The following CCNA1 variants were observed in gnomAD, a reference collection of about 807,000 sequenced individuals.
CCNA1 encodes cyclin-A1.
Under a neutral mutation model 54.1 loss-of-function variants are expected in CCNA1, and 23 were observed. The ratio of observed to expected loss-of-function variants is 0.42; its 90% CI spans 0.31 to 0.60. The LOEUF is 0.60. Ranked by LOEUF, CCNA1 falls within the 20% of genes least tolerant of loss-of-function variation. The pLI is 0.14. For missense variants in CCNA1, 450 were observed against 556.7 expected (o/e 0.81, Z 1.93); for synonymous variants, 208 against 213.9 (o/e 0.97, Z 0.24).
chr13:36,440,181 A>G lies in CCNA1; in HGVS notation c.1096A>G (p.Lys366Glu). The G allele has an allele frequency of 6.2e-7, 1 of 1,613,614 alleles. No homozygotes were observed. Residue 366 changes from lysine (K) to glutamate (E), a missense_variant and splice_region_variant, in exon 6 of 9, where the codon AAG becomes GAG. Physicochemically the swap from Lys to Glu is moderately conservative, Grantham distance 56. Coordinates refer to ENST00000255465, the MANE Select transcript of CCNA1 (RefSeq NM_003914.4). ...GTGCGTCAGGACTGAGAACCTGGCTAAGGTGTGTATGCCGCGTGATTTCTA... is the reference window on the plus strand; with the variant it reads ...GTGCGTCAGGACTGAGAACCTGGCTGAGGTGTGTATGCCGCGTGATTTCTA...
At chr13:36,432,789 C>A in intron 1 of CCNA1, 60 bp downstream of exon 1, 1 of 1,193,980 alleles carries the variant, frequency 8.4e-7, no homozygotes, top group Non-Finnish European at 1.2e-6. Flanking sequence ...TCCTTCCAGC[C>A]CAACACGAAG....
At chr13:36,432,905 T>C (rs1304561396) in intron 1 of CCNA1, 128 bp from the exon 2 acceptor site, 29 of 1,026,152 alleles carry the variant, frequency 2.8e-5, no homozygotes, top group Non-Finnish European at 4.4e-6. Flanking sequence ...CAATAATTAC[T>C]GGGAAGATCA....
rs765244642 is a variant in CCNA1 at position 36,432,683 on chromosome 13, AGTATC to A, written c.63_67del (p.Glu21AspfsTer21). On this transcript the variant is annotated frameshift_variant, in exon 1 of 9. It introduces an in-frame stop codon into an upstream open reading frame of the 5' UTR. Transcript: ENST00000255465. LOFTEE classifies it high-confidence loss of function. ...TCTTTTATTGGGGGCTGGGGAGAAG[AGTATC>A]TCAGCTGGGAAGGACCGGGGCTCCC... 3.1e-6 allele frequency: 5 copies of A among 1,612,890 alleles called. No individual in the cohort carries two copies. The highest frequency in any genetic ancestry group is 4.2e-6 in the Non-Finnish European group (5 of 1,179,634).
rs1364142302 is a variant in CCNA1, at chr13:36,433,381, T to A, written c.297+160T>A. On this transcript the variant is annotated intron_variant, in intron 2 of 8. Coordinates refer to ENST00000255465, the MANE Select transcript of CCNA1 (RefSeq NM_003914.4). Reference sequence around the variant, plus strand: ...AGTTGATTGATTTATTTTCTTTCTTTCTTTCTTTCTTTCTTTCTTTCTTTC... The same window carrying A: ...AGTTGATTGATTTATTTTCTTTCTTACTTTCTTTCTTTCTTTCTTTCTTTC... Among the ~76,000 whole-genome samples the A allele has an allele frequency of 4.8e-4, 26 of 54,220 alleles. 1 individual carries two copies. The highest frequency in any genetic ancestry group is 7.5e-4 in the African/African-American group (7 of 9,368). 35.6% of individuals were successfully genotyped at this position (54,220 alleles called of 152,430 possible).
intron 1 of CCNA1, 56 bp downstream of exon 1, chr13:36,432,785 C>A: frequency 8.4e-7 from 1 of 1,196,272 alleles, no homozygotes; most frequent in Non-Finnish European, 1.2e-6. Flanking sequence ...TCTCTCCTTC[C>A]AGCCCAACAC....
rs763523941 is a variant in CCNA1 at position 36,441,070 on chromosome 13, C to A, written c.1099-48C>A. ...TTGCCATTTCCAGGCTTACTTGTGA[C>A]CTTAGTCACATTTCTAATTCCAATG... is the stretch of plus-strand genomic sequence containing the variant. On this transcript the variant is annotated intron_variant, in intron 6 of 8. Coordinates refer to ENST00000255465, the MANE Select transcript of CCNA1 (RefSeq NM_003914.4). 4 of 1,004,644 alleles carry A rather than the reference C, an allele frequency of 4.0e-6. No individual in the cohort carries two copies. In the South Asian group the frequency reaches 4.2e-5, roughly 11 times the overall value. 62.2% of individuals were successfully genotyped at this position (1,004,644 alleles called of 1,614,324 possible).
At chr13:36,432,243 G>T (rs1359467636), upstream of CCNA1, 4 of 206,296 alleles carry the variant, frequency 1.9e-5, no homozygotes, top group African/African-American at 9.4e-5. Flanking sequence ...CTCCCGCTAG[G>T]TCCGGGGGCG....
chr13:36,438,412 A>G (rs1007227334), intron 4 of CCNA1, among the ~76,000 whole-genome samples: 4 of 152,186 alleles, frequency 2.6e-5, no homozygotes, highest in African/African-American at 9.7e-5. Flanking sequence ...CACTCTTAGG[A>G]ATAATTCATA....
At position 36,442,409 on chromosome 13, in the gene CCNA1, G is replaced by A. The variant is rs1593328373; in HGVS notation, c.1346+105G>A. The A allele has an allele frequency of 3.0e-6, 4 of 1,319,116 alleles. No individual in the cohort carries two copies. The South Asian group carries it at 5.4e-5, about 18-fold the overall frequency. 81.7% of individuals were successfully genotyped at this position (1,319,116 alleles called of 1,614,324 possible). A position where few individuals can be genotyped will look rare whatever the true frequency, so the allele number is the denominator to read the frequency against. On this transcript the variant is annotated intron_variant, in intron 8 of 8. Coordinates refer to ENST00000255465, the MANE Select transcript of CCNA1 (RefSeq NM_003914.4). Reference sequence around the variant, plus strand: ...AGATTAAATTGTGTATCTGGTGCCAGGTTGGAAAAGTAAGGGTACGTGTAC... The same window carrying A: ...AGATTAAATTGTGTATCTGGTGCCAAGTTGGAAAAGTAAGGGTACGTGTAC...
rs777439738 is a variant in CCNA1 at position 36,440,012 on chromosome 13, C to T, written c.927C>T (p.Asp309=). 2.4e-5 allele frequency: 39 copies of T among 1,612,062 alleles called. No homozygotes were observed. The highest frequency in any genetic ancestry group is 3.3e-4 in the Middle Eastern group (2 of 6,080). ...AAGAGATATATCCTCCTGAAGTAGA[C>T]GAGTTTGTCTATATCACCGATGATA... The change falls in exon 6 of 9, where the codon GAC becomes GAT. Residue 309 remains aspartate, a synonymous_variant. Transcript: ENST00000255465.
At chr13:36,434,838 G>A (rs1272805905) in intron 2 of CCNA1, among the ~76,000 whole-genome samples, 2 of 106,228 alleles carry the variant, frequency 1.9e-5, no homozygotes, top group Admixed American at 9.4e-5. Context: ...CCCCCCCCCC[G>A]CGCCATGCGT....
At chr13:36,432,132 C>T (rs2055715793), upstream of CCNA1, 1 of 153,946 alleles carries the variant, frequency 6.5e-6, no homozygotes, top group African/African-American at 2.4e-5. Flanking sequence ...CCTGAACGCC[C>T]AGGGGTCGCG....
At chr13:36,432,337 C>T (rs375639175), upstream of CCNA1, 34 of 308,140 alleles carry the variant, frequency 1.1e-4, no homozygotes, top group East Asian at 6.3e-4. Context: ...TGGAATCCCT[C>T]GACACTTGGT....
chr13:36,442,436 A>C (rs920434872), intron 8 of CCNA1, 132 bp downstream of exon 8: 4 of 1,150,338 alleles, frequency 3.5e-6, no homozygotes, highest in African/African-American at 3.1e-5. Flanking sequence ...TACGTGTACA[A>C]ATTTACAAAT....
At chr13:36,433,508 CTTCCT>C (rs1181046820) in intron 2 of CCNA1, among the ~76,000 whole-genome samples, 1 of 141,204 alleles carries the variant, frequency 7.1e-6, no homozygotes, top group Non-Finnish European at 1.5e-5. Context: ...TCTCTTCCTT[CTTCCT>C]TTCCTTTTTT....
chr13:36,432,984 G>C, intron 1 of CCNA1, 49 bp from the exon 2 acceptor site: 1 of 1,557,054 alleles, frequency 6.4e-7, no homozygotes, highest in Non-Finnish European at 8.8e-7. Flanking sequence ...TGGAGCCCGG[G>C]GTGGACGGAA....
intron 1 of CCNA1, 113 bp downstream of exon 1, chr13:36,432,842 T>C: frequency 1.0e-6 from 1 of 971,812 alleles, no homozygotes; most frequent in South Asian, 1.4e-5. Flanking sequence ...AATAACTGTT[T>C]TGATTCAGAG....
chr13:36,437,716 G>C lies in CCNA1; in HGVS notation c.385G>C (p.Glu129Gln), dbSNP rs1366524896. ...AGCACTCCCTGACTGTGGGGTCCAA[G>C]AGCCCCCCAAGCAAGGGTTTGACAT... Residue 129 changes from glutamate to glutamine, a missense_variant, in exon 3 of 9, where the codon GAG becomes CAG. Physicochemically the swap from Glu to Gln is conservative, Grantham distance 29 (BLOSUM62 2). Coordinates refer to ENST00000255465, the MANE Select transcript of CCNA1 (RefSeq NM_003914.4). 4 of 1,613,920 alleles carry C rather than the reference G, an allele frequency of 2.5e-6. No homozygotes were observed. The African/African-American group carries it at 4.0e-5, about 16-fold the overall frequency.
intron 5 of CCNA1, 147 bp downstream of exon 5, chr13:36,439,014 G>A: frequency 1.6e-6 from 1 of 644,394 alleles, no homozygotes; most frequent in Non-Finnish European, 2.7e-6. Context: ...CTCTTCACAG[G>A]ATTGACTGAG....
Sources: gnomAD v4.1 joint callset for allele counts (sites outside exome capture counted in the v4.1 genomes callset) on GRCh38, gnomAD v4.1.1 for gene constraint, MANE v1.5 for transcripts, NCBI Gene and HGNC (gene_info 2026-07-23, HGNC 2026-07-21) for gene names.